Variants in SIAE observed in about 807,000 individuals in gnomAD.
SIAE encodes sialic acid acetylesterase, also known as sialate O-acetylesterase.
In SIAE, 39 loss-of-function variants were observed where a neutral mutation model predicts 52.6. The ratio of observed to expected loss-of-function variants is 0.74; its 90% CI spans 0.57 to 0.97. The LOEUF (loss-of-function observed/expected upper bound fraction) is 0.97. SIAE is among the 50% of genes least tolerant of loss of function. The probability of loss-of-function intolerance (pLI) is 0.00; values close to 1 mark genes in which losing one functional copy is unlikely to be tolerated. For synonymous variants in SIAE, 233 were observed against 241.4 expected, an observed-to-expected ratio of 0.97 and a Z score of 0.32; for missense variants, 592 against 662.1, an observed-to-expected ratio of 0.89 and a Z score of 1.16.
chr11:124,671,825 G>T (rs1463196308), intron 1 of SIAE, among the ~76,000 whole-genome samples: 1 of 151,998 alleles, frequency 6.6e-6, no homozygotes, highest in African/African-American at 2.4e-5. Context: ...GCAGTGGTGC[G>T]ATCTCAGCTC....
chr11:124,664,413 T>G (rs574155705), intron 2 of SIAE, among the ~76,000 whole-genome samples: 54 of 152,168 alleles, frequency 3.5e-4, no homozygotes, highest in African/African-American at 1.2e-3. Flanking sequence ...CTTTTTGTAT[T>G]TTAGTAGAGA....
chr11:124,673,522 A>AGCTAG, intron 1 of SIAE, 120 bp downstream of exon 1: 1 of 1,195,462 alleles, frequency 8.4e-7, no homozygotes, highest in Non-Finnish European at 1.2e-6. Context: ...CCCCTAGCCT[A>AGCTAG]GCTAGGTTCC....
Position 124,636,811 on chromosome 11 carries a change from A to C in SIAE, c.*140T>G, listed in dbSNP as rs979878530. 1 of 1,219,806 alleles carries C rather than the reference A, an allele frequency of 8.2e-7. No homozygotes were observed. The highest frequency in any genetic ancestry group is 1.5e-5 in the African/African-American group (1 of 66,382). The allele number at this position is 1,219,806 out of a possible 1,614,324, so 75.6% of individuals were successfully genotyped here. A position where few individuals can be genotyped will look rare whatever the true frequency, so the allele number is the denominator to read the frequency against. On this transcript the variant is annotated 3_prime_UTR_variant, in exon 10 of 10. Transcript: ENST00000263593. ...AGCCTGGGCTCATCAGAATATAGAA[A>C]CAGCCATGTGCTAGCTGAAAGCCAT...
intron 6 of SIAE, among the ~76,000 whole-genome samples, chr11:124,647,858 T>C (rs1018838125): frequency 6.6e-6 from 1 of 152,044 alleles, no homozygotes; most frequent in African/African-American, 2.4e-5. Context: ...CACCAGACAA[T>C]CTGCCAGGTG....
chr11:124,666,587 A>G (rs749035073), intron 2 of SIAE, among the ~76,000 whole-genome samples: 6 of 152,324 alleles, frequency 3.9e-5, no homozygotes, highest in Middle Eastern at 3.4e-3. Context: ...TTCCTGTGAA[A>G]TTATCATCAG....
rs775925313 is a variant in SIAE at position 124,649,569 on chromosome 11, T to C, written c.722+50A>G. 12 of 1,601,318 alleles carry C rather than the reference T, an allele frequency of 7.5e-6. No homozygotes were observed. In the East Asian group the frequency reaches 2.7e-4, roughly 36 times the overall value. On this transcript the variant is annotated intron_variant, in intron 5 of 9. Coordinates refer to ENST00000263593, the MANE Select transcript of SIAE (RefSeq NM_170601.5). ...CACAGAGGACGATGACCCTCTCTCTTGCATAATTCCCTGGTAGGCTCTTTC... is the reference window on the plus strand; with the variant it reads ...CACAGAGGACGATGACCCTCTCTCTCGCATAATTCCCTGGTAGGCTCTTTC...
At chr11:124,656,828 C>T (rs990223318) in intron 3 of SIAE, among the ~76,000 whole-genome samples, 8 of 152,168 alleles carry the variant, frequency 5.3e-5, no homozygotes, top group South Asian at 2.1e-4. Flanking sequence ...AGGGAGCAGG[C>T]GCTCCAGCTG....
At chr11:124,644,798 A>C (rs998725850) in intron 7 of SIAE, among the ~76,000 whole-genome samples, 9 of 152,186 alleles carry the variant, frequency 5.9e-5, no homozygotes, top group African/African-American at 1.9e-4. Flanking sequence ...CTTTCTGCTA[A>C]TAAGTCTGGG....
In SIAE at chr11:124,637,051, T is replaced by C. The variant is rs200855729; in HGVS notation, c.1472A>G (p.Gln491Arg). The change falls in exon 10 of 10, where the codon CAG becomes CGG. Residue 491 changes from glutamine (Q) to arginine (R), a missense_variant. Gln to Arg is a conservative substitution (Grantham distance 43). Coordinates refer to ENST00000263593, the MANE Select transcript of SIAE (RefSeq NM_170601.5). ...ACTACTGGGGTGGTATAGGGGACAC[T>C]GCTTATATTCACAAGGCCACGTGGT... ...AWTTWPCEYK[Q>R]CPLYHPSSAL... The C allele has an allele frequency of 6.3e-5, 101 of 1,614,030 alleles. No individual in the cohort carries two copies. Among genetic ancestry groups the C allele is most frequent in the African/African-American group, 1.3e-5 (1 of 74,914 alleles).
At chr11:124,649,004 G>A (rs1317641802) in intron 5 of SIAE, among the ~76,000 whole-genome samples, 2 of 152,164 alleles carry the variant, frequency 1.3e-5, no homozygotes, top group South Asian at 2.1e-4. Flanking sequence ...TGTTAGTATC[G>A]GGATTTGTAT....
In SIAE at chr11:124,670,520, A is replaced by AT. The variant is rs2134394846; in HGVS notation, c.68-1000_68-999insA. On this transcript the variant is annotated intron_variant, in intron 1 of 9. Transcript: ENST00000263593. This position sits in a 1 kb window ranked among gnomAD's most constrained non-coding sequence, Gnocchi z 4.5. The stretch of plus-strand genomic sequence containing the variant: ...GAATAAAACAGACCCCAAACTACCT[A>AT]AAATAATTAACAAAATTTAGATCTT... 6.6e-6 allele frequency among the ~76,000 whole-genome samples: 1 copy of AT among 152,330 alleles called. No homozygotes were observed. The highest frequency in any genetic ancestry group is 1.5e-5 in the Non-Finnish European group (1 of 68,018).
chr11:124,646,496 G>A (rs1942937435), intron 7 of SIAE, among the ~76,000 whole-genome samples: 1 of 152,066 alleles, frequency 6.6e-6, no homozygotes, highest in South Asian at 2.1e-4. Flanking sequence ...AGGAAAGTAT[G>A]GAAGGCAAGG....
At position 124,636,447 on chromosome 11, in the gene SIAE, T is replaced by A. The variant is rs1340663400; in HGVS notation, c.*504A>T. 6.1e-6 allele frequency: 1 copy of A among 163,180 alleles called. No homozygotes were observed. The highest frequency in any genetic ancestry group is 1.6e-4 in the East Asian group (1 of 6,118). 10.1% of individuals were successfully genotyped at this position (163,180 alleles called of 1,614,324 possible). On this transcript the variant is annotated 3_prime_UTR_variant, in exon 10 of 10. Transcript: ENST00000263593. The stretch of plus-strand genomic sequence containing the variant: ...AGATTCAGTAACCACCTGTCAGGAA[T>A]TTTGTAAAGACGTCTACGGCCATAT...
At chr11:124,655,339 C>A (rs997774296) in intron 3 of SIAE, among the ~76,000 whole-genome samples, 5 of 152,122 alleles carry the variant, frequency 3.3e-5, no homozygotes, top group Admixed American at 6.5e-5. Context: ...CCATGCCCAG[C>A]TAATTTTTTA....
intron 6 of SIAE, among the ~76,000 whole-genome samples, 173 bp from the exon 7 acceptor site, chr11:124,647,671 A>G (rs1036310154): frequency 6.6e-6 from 1 of 152,138 alleles, no homozygotes; most frequent in Non-Finnish European, 1.5e-5. Context: ...AGAGGCTTGA[A>G]AAGTACTTCA....
chr11:124,653,543 C>G (rs1002598691), intron 4 of SIAE, among the ~76,000 whole-genome samples: 1 of 152,034 alleles, frequency 6.6e-6, no homozygotes, highest in Non-Finnish European at 1.5e-5. Flanking sequence ...GTGCTGAATG[C>G]GGCAAAGGTC....
At chr11:124,674,096 A>C, upstream of SIAE, 3 of 236,746 alleles carry the variant, frequency 1.3e-5, no homozygotes, top group East Asian at 1.1e-4. Context: ...CGAGTCTGAA[A>C]TCCCAGGTCC....
Position 124,670,833 on chromosome 11 carries a change from G to A in SIAE, c.68-1312C>T, listed in dbSNP as rs780240189. On this transcript the variant is annotated intron_variant, in intron 1 of 9. Transcript: ENST00000263593. The surrounding 1 kb of genome is among the most constrained non-coding windows in gnomAD (Gnocchi z 4.5). ...AAGGCCTACTGGGCTGGAGATGCACGGTTACCATGAGCAAAATGCTCTAAG... is the reference window on the plus strand; with the variant it reads ...AAGGCCTACTGGGCTGGAGATGCACAGTTACCATGAGCAAAATGCTCTAAG... Among the ~76,000 whole-genome samples, 6 of 152,198 alleles carry A rather than the reference G, an allele frequency of 3.9e-5. No homozygotes were observed. The highest frequency in any genetic ancestry group is 1.4e-4 in the African/African-American group (6 of 41,442).
intron 7 of SIAE, among the ~76,000 whole-genome samples, chr11:124,646,126 G>A (rs1565410463): frequency 6.6e-6 from 1 of 152,188 alleles, no homozygotes. Context: ...GCTAAAAAGT[G>A]TAGTTCATAT....
Sources: allele counts gnomAD v4.1 joint callset (sites outside exome capture counted in the v4.1 genomes callset), GRCh38; gene constraint gnomAD v4.1.1; non-coding constraint Gnocchi (gnomAD v3.1); transcripts MANE v1.5; gene names NCBI Gene and HGNC (gene_info 2026-07-23, HGNC 2026-07-21).